Variants in IDE observed in about 807,000 individuals in gnomAD.
IDE encodes the protein insulin degrading enzyme, also known as insulin-degrading enzyme.
In IDE, 58 loss-of-function variants were observed where a neutral mutation model predicts 133.2. The ratio of observed to expected loss-of-function variants is 0.44; its 90% CI spans 0.35 to 0.54. IDE has a LOEUF of 0.54. Among genes scored for constraint, IDE ranks in the 20% least tolerant of loss-of-function variants. The probability of loss-of-function intolerance (pLI) is 0.00; values close to 1 mark genes in which losing one functional copy is unlikely to be tolerated. For synonymous variants in IDE, 396 were observed against 421.3 expected, an observed-to-expected ratio of 0.94 and a Z score of 0.73; for missense variants, 981 against 1,234.0, an observed-to-expected ratio of 0.79 and a Z score of 3.07.
At chr10:92,494,992 T>C (rs1847596980) in intron 11 of IDE, among the ~76,000 whole-genome samples, 1 of 152,192 alleles carries the variant, frequency 6.6e-6, no homozygotes, top group African/African-American at 2.4e-5. Context: ...TTTGAAATCT[T>C]GCCAAAATCA....
In IDE at chr10:92,456,429, T is replaced by C. The variant is rs769903924; in HGVS notation, c.2826A>G (p.Glu942=). 2 of 1,612,224 alleles carry C rather than the reference T, an allele frequency of 1.2e-6. No individual in the cohort carries two copies. Among genetic ancestry groups the C allele is most frequent in the Non-Finnish European group, 1.7e-6 (2 of 1,178,294 alleles). ...TCCTTGGAGCATCTACTGCCAACAT[T>C]TCCTAGGCACAAAGAAGAGCAGGGT... ...TKEDIIKFYK[E]MLAVDAPRRH... is the part of the protein sequence containing the mutation. Residue 942 remains glutamate (E), a splice_region_variant and synonymous_variant, in exon 23 of 25, where the codon GAA becomes GAG. Transcript: ENST00000265986.
intron 4 of IDE, among the ~76,000 whole-genome samples, chr10:92,521,897 A>G (rs1564645254): frequency 6.6e-6 from 1 of 152,156 alleles, no homozygotes; most frequent in Non-Finnish European, 1.5e-5. Flanking sequence ...TTAGAGATAT[A>G]TACTGAAATA....
At chr10:92,472,379 T>A (rs1846011817) in intron 17 of IDE, among the ~76,000 whole-genome samples, 1 of 152,230 alleles carries the variant, frequency 6.6e-6, no homozygotes. Context: ...GTGGTATTTT[T>A]AAAAGGTATA....
At chr10:92,480,366 T>A (rs770961034) in intron 14 of IDE, among the ~76,000 whole-genome samples, 4 of 152,206 alleles carry the variant, frequency 2.6e-5, no homozygotes. Context: ...TTCCCTGACC[T>A]CAGAGTTGAT....
chr10:92,563,843 A>G (rs1380828578), intron 1 of IDE, among the ~76,000 whole-genome samples: 1 of 152,170 alleles, frequency 6.6e-6, no homozygotes, highest in African/African-American at 2.4e-5. Flanking sequence ...GGGAGGGGAA[A>G]AAAGAAGCCA....
intron 4 of IDE, among the ~76,000 whole-genome samples, chr10:92,520,902 C>G (rs1849187715): frequency 1.3e-5 from 2 of 152,052 alleles, no homozygotes; most frequent in Admixed American, 1.3e-4. Flanking sequence ...CATGGAAAAG[C>G]TAAGGGAACA....
chr10:92,550,648 C>T lies in IDE; in HGVS notation c.99-13098G>A, dbSNP rs549231906. ...CCTGGGCAACAGAGCTAGACTCCGT[C>T]TCAAAAAAAAAAAAAAAAAAAAAAA... On this transcript the variant is annotated intron_variant, in intron 1 of 24. Transcript: ENST00000265986. 7.4e-3 allele frequency among the ~76,000 whole-genome samples: 588 copies of T among 79,446 alleles called. 4 individuals carry two copies. Among genetic ancestry groups the T allele is most frequent in the Admixed American group, 0.012 (73 of 6,340 alleles). The allele number at this position is 79,446 out of a possible 152,430, so 52.1% of individuals were successfully genotyped here. A position where few individuals can be genotyped will look rare whatever the true frequency, so the allele number is the denominator to read the frequency against.
chr10:92,528,144 T>C (rs2135650256), intron 4 of IDE, among the ~76,000 whole-genome samples: 2 of 152,344 alleles, frequency 1.3e-5, no homozygotes, highest in South Asian at 4.1e-4. Context: ...CCATCTCTTA[T>C]AATCACATTT....
At chr10:92,504,092 A>C (rs1848171307) in intron 11 of IDE, among the ~76,000 whole-genome samples, 1 of 152,098 alleles carries the variant, frequency 6.6e-6, no homozygotes, top group African/African-American at 2.4e-5. Flanking sequence ...TGTTCCAAAA[A>C]ACTTACTCAA....
intron 1 of IDE, among the ~76,000 whole-genome samples, chr10:92,555,749 T>C (rs2135780835): frequency 6.6e-6 from 1 of 152,344 alleles, no homozygotes; most frequent in East Asian, 1.9e-4. Flanking sequence ...TGGTGACAGA[T>C]AATGTTTTTA....
At chr10:92,568,836 TAATAATAAC>T (rs1843667420) in intron 1 of IDE, among the ~76,000 whole-genome samples, 1 of 149,150 alleles carries the variant, frequency 6.7e-6, no homozygotes, top group South Asian at 2.2e-4. Flanking sequence ...ATAATAATAA[TAATAATAAC>T]AATACCTTTA....
intron 18 of IDE, 136 bp from the exon 19 acceptor site, chr10:92,469,126 T>C: frequency 1.7e-6 from 1 of 601,944 alleles, no homozygotes. Flanking sequence ...TGGATAAAAA[T>C]TGAATTTGTC....
chr10:92,564,393 C>T (rs1421892197), intron 1 of IDE, among the ~76,000 whole-genome samples: 6 of 151,960 alleles, frequency 3.9e-5, no homozygotes, highest in African/African-American at 1.2e-4. Flanking sequence ...TGTACTAGGC[C>T]GGGCAAGGTA....
At chr10:92,538,603 C>A (rs1404197572) in intron 1 of IDE, among the ~76,000 whole-genome samples, 1 of 152,186 alleles carries the variant, frequency 6.6e-6, no homozygotes, top group Non-Finnish European at 1.5e-5. Flanking sequence ...AGTCTTCTTT[C>A]TTCTCTACAA....
At chr10:92,511,871 A>G (rs182608859) in intron 5 of IDE, among the ~76,000 whole-genome samples, 4 of 152,314 alleles carry the variant, frequency 2.6e-5, no homozygotes, top group East Asian at 3.9e-4. Context: ...TGAGCAGTCA[A>G]TAAAGGTTTG....
chr10:92,465,908 C>T lies in IDE; in HGVS notation c.2321-65G>A, dbSNP rs551744048. On this transcript the variant is annotated intron_variant, in intron 19 of 24. Transcript: ENST00000265986. ...TATTTGGGGTTTAATAAAGTCAATG[C>T]TATGTCTGCCCACACTTACAGATGA... The T allele has an allele frequency of 6.1e-6, 8 of 1,303,132 alleles. No homozygotes were observed. In the East Asian group the frequency reaches 9.2e-5, roughly 15 times the overall value. The allele number at this position is 1,303,132 out of a possible 1,614,324, so 80.7% of individuals were successfully genotyped here. A position where few individuals can be genotyped will look rare whatever the true frequency, so the allele number is the denominator to read the frequency against.
chr10:92,527,168 CAT>C lies in IDE; in HGVS notation c.661+4578_661+4579del, dbSNP rs575592278. 3.7e-4 allele frequency among the ~76,000 whole-genome samples: 57 copies of C among 152,230 alleles called. No individual in the cohort carries two copies. The South Asian group carries it at 7.5e-3, about 20-fold the overall frequency. On this transcript the variant is annotated intron_variant, in intron 4 of 24. Coordinates refer to ENST00000265986, the MANE Select transcript of IDE (RefSeq NM_004969.4). ...TTGTAGCGAACCAGACTCAGTGGCA[CAT>C]GTCTGTAGTCTATAGAAAGTCTACA...
intron 4 of IDE, among the ~76,000 whole-genome samples, chr10:92,524,385 T>C (rs1206160585): frequency 3.1e-5 from 3 of 96,648 alleles, no homozygotes; most frequent in African/African-American, 1.3e-4. Context: ...TTATATATAA[T>C]ATATTTTATA....
At chr10:92,469,868 AGT>A (rs1328639698) in intron 18 of IDE, among the ~76,000 whole-genome samples, 1 of 152,200 alleles carries the variant, frequency 6.6e-6, no homozygotes, top group Non-Finnish European at 1.5e-5. Context: ...ATAAGCACAG[AGT>A]TAAGACATTT....
Sources: allele counts gnomAD v4.1 joint callset (sites outside exome capture counted in the v4.1 genomes callset), GRCh38; gene constraint gnomAD v4.1.1; transcripts MANE v1.5; gene names NCBI Gene and HGNC (gene_info 2026-07-23, HGNC 2026-07-21).